Variants in UNKL observed in about 807,000 individuals in gnomAD.
UNKL encodes putative E3 ubiquitin-protein ligase UNKL.
UNKL carries 60 observed loss-of-function variants against 78.0 expected under a neutral mutation model. That is an observed-to-expected ratio of 0.77 (90% confidence interval 0.63 to 0.95). UNKL has a LOEUF of 0.95. UNKL is among the 40% of genes least tolerant of loss of function. UNKL has a pLI of 0.00. For missense variants in UNKL, 1,159 were observed against 1,045.7 expected (o/e 1.11, Z -1.49); for synonymous variants, 608 against 474.8 (o/e 1.28, Z -3.65).
chr16:1,398,679 GCACC>G, intron 5 of UNKL: 1 of 1,356,394 alleles, frequency 7.4e-7, no homozygotes, highest in Non-Finnish European at 9.5e-7. Flanking sequence ...TGTGGGGTCT[GCACC>G]CCCCCACCCC....
chr16:1,410,285 A>T (rs2037979203), intron 2 of UNKL, among the ~76,000 whole-genome samples: 1 of 142,990 alleles, frequency 7.0e-6, no homozygotes, highest in Non-Finnish European at 1.5e-5. Context: ...AAAAAAAGAG[A>T]GAAAAAGATG....
chr16:1,399,674 G>C lies in UNKL; in HGVS notation c.599-165C>G, dbSNP rs536918045. On this transcript the variant is annotated intron_variant, in intron 4 of 14. Coordinates refer to ENST00000389221, the MANE Select transcript of UNKL (RefSeq NM_001372107.1). This position sits in a 1 kb window ranked among gnomAD's most constrained non-coding sequence, Gnocchi z 5.8. The stretch of plus-strand genomic sequence containing the variant: ...GGCACACGCTGATGTCAAAGGACTC[G>C]CGCTCCATGAGGGAAGCCGGGCCAG... The C allele has an allele frequency of 2.8e-6, 3 of 1,069,248 alleles. No homozygotes were observed. Among genetic ancestry groups the C allele is most frequent in the Non-Finnish European group, 4.0e-6 (3 of 753,642 alleles). 66.2% of individuals were successfully genotyped at this position (1,069,248 alleles called of 1,614,324 possible).
chr16:1,371,512 C>G lies in UNKL; in HGVS notation c.1357+7G>C, dbSNP rs888035907. The stretch of plus-strand genomic sequence containing the variant: ...GGAGCAGGGCCCCAGGTCCTCCCCA[C>G]CCTCACCTGCTGCTCCCAGGTCGTG... On this transcript the variant is annotated splice_region_variant and intron_variant, in intron 11 of 14. Transcript: ENST00000389221. The G allele has an allele frequency of 7.8e-6, 12 of 1,535,954 alleles. No homozygotes were observed. The highest frequency in any genetic ancestry group is 1.0e-5 in the Non-Finnish European group (12 of 1,146,850).
intron 4 of UNKL, chr16:1,401,240 G>A (rs958543525): frequency 8.6e-6 from 2 of 231,486 alleles, no homozygotes; most frequent in Non-Finnish European, 8.3e-6. Flanking sequence ...GTGCCTGGTG[G>A]GCGCCCCGGC....
chr16:1,366,350 G>T lies in UNKL; in HGVS notation c.2092C>A (p.Arg698=), dbSNP rs143277199. The T allele has an allele frequency of 1.9e-6, 3 of 1,603,984 alleles. No homozygotes were observed. The African/African-American group carries it at 4.0e-5, about 21-fold the overall frequency. Residue 698 remains arginine, a synonymous_variant, in exon 15 of 15, where the codon CGG becomes AGG. Coordinates refer to ENST00000389221, the MANE Select transcript of UNKL (RefSeq NM_001372107.1). ...GGCCGCAGGACAGCACCGTGGGCCC[G>T]CTCCCGGCAGGCCACACACTGCTTG... ...RAKQCVACRE[R]AHGAVLRPCQ...
At chr16:1,397,084 A>T in intron 6 of UNKL, 94 bp downstream of exon 6, 2 of 1,365,922 alleles carry the variant, frequency 1.5e-6, no homozygotes, top group Non-Finnish European at 2.0e-6. Context: ...AAAGTTAATC[A>T]CTGTTCCTTC....
intron 10 of UNKL, chr16:1,379,483 G>C: frequency 2.0e-6 from 2 of 985,252 alleles, no homozygotes; most frequent in Non-Finnish European, 2.4e-6. Flanking sequence ...TGAGAAGCCC[G>C]GGCCCACCCC....
At chr16:1,410,364 T>C (rs1042457195) in intron 2 of UNKL, among the ~76,000 whole-genome samples, 1 of 152,018 alleles carries the variant, frequency 6.6e-6, no homozygotes, top group South Asian at 2.1e-4. Flanking sequence ...TCCCAGCACT[T>C]TGGGAGGCCG....
chr16:1,403,243 T>G lies in UNKL; in HGVS notation c.389A>C (p.His130Pro). 1 of 1,614,166 alleles carries G rather than the reference T, an allele frequency of 6.2e-7. No individual in the cohort carries two copies. The highest frequency in any genetic ancestry group is 8.5e-7 in the Non-Finnish European group (1 of 1,180,008). ...ACAGTGCAGCCCATTCTTCACGCAGTGGCCACGTGCGTCTGTCTCGTGGAT... is the reference window on the plus strand; with the variant it reads ...ACAGTGCAGCCCATTCTTCACGCAGGGGCCACGTGCGTCTGTCTCGTGGAT... ...TCIHETDARG[H>P]CVKNGLHCAF... Residue 130 changes from histidine (H) to proline (P), a missense_variant, in exon 3 of 15, where the codon CAC (histidine) becomes CCC (proline). By Grantham distance (77) the His-to-Pro change is moderately conservative. Transcript: ENST00000389221. This position sits in a 1 kb window ranked among gnomAD's most constrained non-coding sequence, Gnocchi z 4.8.
rs1323839716 is a variant in UNKL at position 1,364,160 on chromosome 16, A to T, written c.*2080T>A. The T allele has an allele frequency of 6.6e-6, 1 of 152,158 alleles. No individual in the cohort carries two copies. The highest frequency in any genetic ancestry group is 1.5e-5 in the Non-Finnish European group (1 of 68,018). 9.4% of individuals were successfully genotyped at this position (152,158 alleles called of 1,614,324 possible). On this transcript the variant is annotated 3_prime_UTR_variant, in exon 15 of 15. Coordinates refer to ENST00000389221, the MANE Select transcript of UNKL (RefSeq NM_001372107.1). ...GTAATTTCTAGATACTGAGCTAATA[A>T]ATCACTGTAGTTAAAAACAAAATAG... is the stretch of plus-strand genomic sequence containing the variant.
Position 1,370,280 on chromosome 16 carries a change from A to C in UNKL, c.1435T>G (p.Ser479Ala), listed in dbSNP as rs1304665243. ...LPRAPSLHSP[S>A]SASTSPLGSL... Reference sequence around the variant, plus strand: ...CCGAGCGGCGAGGTGGACGCAGAGGATGGCGAGTGTAGCGATGGTGCTCTG... The same window carrying C: ...CCGAGCGGCGAGGTGGACGCAGAGGCTGGCGAGTGTAGCGATGGTGCTCTG... The change falls in exon 12 of 15, where the codon TCC (serine) becomes GCC (alanine). Residue 479 changes from serine (S) to alanine (A), a missense_variant. Transcript: ENST00000389221. The C allele has an allele frequency of 6.5e-6, 10 of 1,534,364 alleles. No individual in the cohort carries two copies. The highest frequency in any genetic ancestry group is 8.7e-6 in the Non-Finnish European group (10 of 1,145,198).
intron 10 of UNKL, among the ~76,000 whole-genome samples, chr16:1,383,104 A>C (rs1223000377): frequency 9.6e-6 from 1 of 103,724 alleles, no homozygotes; most frequent in Admixed American, 8.6e-5. Flanking sequence ...CTAAAAATAC[A>C]AAAAAAAAAA....
At chr16:1,371,082 CAAA>C (rs764163064) in intron 11 of UNKL, among the ~76,000 whole-genome samples, 6,138 of 67,880 alleles carry the variant, frequency 0.09, 214 homozygotes, top group African/African-American at 0.18. Flanking sequence ...GGCTCTGTCT[CAAA>C]AAAAAAAAAA....
At chr16:1,375,093 C>T (rs934987550) in intron 10 of UNKL, among the ~76,000 whole-genome samples, 61 of 152,290 alleles carry the variant, frequency 4.0e-4, no homozygotes, top group African/African-American at 5.8e-4. Context: ...GGTGGCCCCT[C>T]GCCCGAGGCC....
At chr16:1,394,959 C>T (rs1263202940) in intron 6 of UNKL, among the ~76,000 whole-genome samples, 1 of 152,204 alleles carries the variant, frequency 6.6e-6, no homozygotes, top group Non-Finnish European at 1.5e-5. Context: ...CTCACTGCAA[C>T]GTCCACCTCC....
At chr16:1,397,041 C>T (rs1567228546) in intron 6 of UNKL, 137 bp downstream of exon 6, 2 of 925,186 alleles carry the variant, frequency 2.2e-6, no homozygotes, top group Non-Finnish European at 3.3e-6. Context: ...TGCCTCCACC[C>T]CCAGGCTTCC....
intron 2 of UNKL, among the ~76,000 whole-genome samples, chr16:1,409,104 A>G (rs1417227278): frequency 1.3e-5 from 2 of 152,054 alleles, no homozygotes; most frequent in Non-Finnish European, 2.9e-5. Context: ...TTTTTAGTAG[A>G]GACGGGGTTT....
chr16:1,371,368 G>A (rs540550042), intron 11 of UNKL, 151 bp downstream of exon 11: 26 of 705,590 alleles, frequency 3.7e-5, no homozygotes, highest in South Asian at 3.3e-4. Flanking sequence ...ACCAGACACC[G>A]GGTCTTGCCC....
Position 1,397,010 on chromosome 16 carries a change from A to G in UNKL, c.852+168T>C, listed in dbSNP as rs2037294964. ...AGCCCGAAGGCCAGCAAGCAAGACA[A>G]GCAAGCAGGTACAGCCCTCATGCCT... On this transcript the variant is annotated intron_variant, in intron 6 of 14. Transcript: ENST00000389221. The G allele has an allele frequency of 2.4e-5, 16 of 658,610 alleles. 1 individual carries two copies. The highest frequency in any genetic ancestry group is 3.8e-5 in the Non-Finnish European group (15 of 392,118). The allele number at this position is 658,610 out of a possible 1,614,324, so 40.8% of individuals were successfully genotyped here. A position where few individuals can be genotyped will look rare whatever the true frequency, so the allele number is the denominator to read the frequency against.
Sources: gnomAD v4.1 joint callset for allele counts (sites outside exome capture counted in the v4.1 genomes callset) on GRCh38, gnomAD v4.1.1 for gene constraint, Gnocchi (gnomAD v3.1) non-coding constraint, MANE v1.5 for transcripts, NCBI Gene and HGNC (gene_info 2026-07-23, HGNC 2026-07-21) for gene names.